CDK14: variants seen among roughly 807,000 people sequenced by gnomAD.
CDK14 encodes the protein cyclin dependent kinase 14.
In CDK14, 34 loss-of-function variants were observed where a neutral mutation model predicts 60.7. That is an observed-to-expected ratio of 0.56 (90% CI 0.43 to 0.75). The LOEUF (loss-of-function observed/expected upper bound fraction) is 0.75. Among genes scored for constraint, CDK14 ranks in the 30% least tolerant of loss-of-function variants. CDK14 has a pLI of 0.00. For missense variants in CDK14, 482 were observed against 564.1 expected (o/e 0.85, Z 1.47); for synonymous variants, 197 against 203.7 (o/e 0.97, Z 0.28).
At chr7:90,802,317 C>A (rs1444325437) in intron 5 of CDK14, among the ~76,000 whole-genome samples, 2 of 152,096 alleles carry the variant, frequency 1.3e-5, no homozygotes, top group Non-Finnish European at 2.9e-5. Flanking sequence ...CTTTGCTCAG[C>A]CTAGACATTT....
At chr7:91,158,120 G>T (rs1801042455) in intron 14 of CDK14, among the ~76,000 whole-genome samples, 1 of 146,358 alleles carries the variant, frequency 6.8e-6, no homozygotes, top group Non-Finnish European at 1.5e-5. Flanking sequence ...TATATAAACA[G>T]TATATATACA....
chr7:90,746,221 T>C (rs966348426), intron 3 of CDK14, among the ~76,000 whole-genome samples: 4 of 152,212 alleles, frequency 2.6e-5, no homozygotes, highest in Non-Finnish European at 5.9e-5. Context: ...TTGGCACTCT[T>C]TTTTGTTTTC....
chr7:90,848,006 G>A (rs1269244673), intron 5 of CDK14, among the ~76,000 whole-genome samples: 1 of 152,050 alleles, frequency 6.6e-6, no homozygotes, highest in African/African-American at 2.4e-5. Context: ...TTTATTCTGA[G>A]TTTCATGCAT....
intron 11 of CDK14, among the ~76,000 whole-genome samples, chr7:91,073,792 G>A (rs189967962): frequency 2.4e-5 from 3 of 125,560 alleles, no homozygotes; most frequent in African/African-American, 9.1e-5. Context: ...GCCAAAATAA[G>A]GGATGGAGGA....
At chr7:90,819,653 T>G (rs1464402950) in intron 5 of CDK14, among the ~76,000 whole-genome samples, 1 of 152,114 alleles carries the variant, frequency 6.6e-6, no homozygotes, top group Admixed American at 6.6e-5. Flanking sequence ...ATGCATATAT[T>G]AATGTAGAAA....
At chr7:90,633,867 A>G (rs928507146) in intron 2 of CDK14, among the ~76,000 whole-genome samples, 4 of 152,156 alleles carry the variant, frequency 2.6e-5, no homozygotes, top group Non-Finnish European at 5.9e-5. Flanking sequence ...GCACCCATAG[A>G]TTCTGTTGTA....
intron 7 of CDK14, among the ~76,000 whole-genome samples, chr7:90,903,226 T>A (rs1217059674): frequency 5.9e-5 from 9 of 152,172 alleles, no homozygotes; most frequent in Admixed American, 5.9e-4. Flanking sequence ...GTCCTACTAA[T>A]GGGTGTTTAT....
chr7:90,639,030 A>G (rs1475924582), intron 2 of CDK14, among the ~76,000 whole-genome samples: 2 of 151,996 alleles, frequency 1.3e-5, no homozygotes, highest in South Asian at 2.1e-4. Flanking sequence ...TTATACATTC[A>G]TCTAAATTTT....
intron 2 of CDK14, among the ~76,000 whole-genome samples, chr7:90,725,009 C>T (rs1211140714): frequency 6.6e-6 from 1 of 152,078 alleles, no homozygotes; most frequent in Non-Finnish European, 1.5e-5. Context: ...TTCTCACATG[C>T]TAAAAAGTAT....
At chr7:90,840,337 A>G (rs1790249078) in intron 5 of CDK14, among the ~76,000 whole-genome samples, 1 of 152,246 alleles carries the variant, frequency 6.6e-6, no homozygotes, top group African/African-American at 2.4e-5. Flanking sequence ...TATTTGATCC[A>G]TAAAGTTTGG....
intron 12 of CDK14, among the ~76,000 whole-genome samples, chr7:91,101,300 T>G (rs1024350850): frequency 6.6e-6 from 1 of 152,214 alleles, no homozygotes; most frequent in Non-Finnish European, 1.5e-5. Flanking sequence ...CCCCATTTTG[T>G]AAGCATGACC....
At chr7:90,873,859 T>C (rs1361530437) in intron 6 of CDK14, among the ~76,000 whole-genome samples, 1 of 152,112 alleles carries the variant, frequency 6.6e-6, no homozygotes, top group African/African-American at 2.4e-5. Flanking sequence ...AAAACAAACG[T>C]ACTCACCTTT....
intron 7 of CDK14, among the ~76,000 whole-genome samples, chr7:90,912,221 A>G (rs554926042): frequency 5.0e-4 from 24 of 47,922 alleles, no homozygotes; most frequent in Admixed American, 4.6e-3. Context: ...AGTTTCAAAT[A>G]TATTAATTTA....
intron 11 of CDK14, among the ~76,000 whole-genome samples, chr7:91,050,835 TAA>T (rs1288339424): frequency 1.3e-5 from 2 of 152,072 alleles, no homozygotes; most frequent in Non-Finnish European, 2.9e-5. Context: ...TGTCACATGG[TAA>T]AAGAGGGAGC....
chr7:91,066,264 T>G (rs1198727689), intron 11 of CDK14, among the ~76,000 whole-genome samples: 1 of 152,220 alleles, frequency 6.6e-6, no homozygotes, highest in Non-Finnish European at 1.5e-5. Flanking sequence ...TGGTATTGTT[T>G]ATACTATATG....
intron 4 of CDK14, among the ~76,000 whole-genome samples, chr7:90,775,940 G>A (rs571810303): frequency 2.0e-4 from 30 of 151,998 alleles, no homozygotes; most frequent in Admixed American, 7.9e-4. Context: ...TTATGTTTAT[G>A]TATAAAAACT....
At chr7:90,657,144 T>C (rs1054897687) in intron 2 of CDK14, among the ~76,000 whole-genome samples, 2 of 152,220 alleles carry the variant, frequency 1.3e-5, no homozygotes, top group African/African-American at 4.8e-5. Context: ...CATTTTTCAA[T>C]AGTAAGAGAC....
At chr7:90,625,847 C>T (rs1481148194) in intron 2 of CDK14, among the ~76,000 whole-genome samples, 2 of 152,210 alleles carry the variant, frequency 1.3e-5, no homozygotes, top group Admixed American at 6.5e-5. Context: ...TCTTCGTACT[C>T]GTAGTCTTAT....
At chr7:90,805,503 A>G (rs925294469) in intron 5 of CDK14, among the ~76,000 whole-genome samples, 8 of 152,096 alleles carry the variant, frequency 5.3e-5, no homozygotes, top group Middle Eastern at 3.2e-3. Context: ...CAAAATTTAG[A>G]ATACAATACC....
Sources: gnomAD v4.1 joint callset for allele counts (sites outside exome capture counted in the v4.1 genomes callset) on GRCh38, gnomAD v4.1.1 for gene constraint, MANE v1.5 for transcripts, NCBI Gene and HGNC (gene_info 2026-07-23, HGNC 2026-07-21) for gene names.